Variants in CADPS2 observed in about 807,000 individuals in gnomAD.
The protein encoded by CADPS2 is calcium-dependent secretion activator 2.
In CADPS2, 93 loss-of-function variants were observed where a neutral mutation model predicts 172.5. That is an observed-to-expected ratio of 0.54 (90% confidence interval 0.46 to 0.64). The LOEUF (loss-of-function observed/expected upper bound fraction) is 0.64, where lower values mean the gene tolerates loss of function less well. Ranked by LOEUF, CADPS2 falls within the 30% of genes least tolerant of loss-of-function variation. The probability of loss-of-function intolerance (pLI) is 0.00; values close to 1 mark genes in which losing one functional copy is unlikely to be tolerated. For missense variants in CADPS2, 1,420 were observed against 1,565.9 expected (o/e 0.91, Z 1.57); for synonymous variants, 546 against 555.2 (o/e 0.98, Z 0.23).
intron 1 of CADPS2, among the ~76,000 whole-genome samples, chr7:122,752,114 G>A (rs1018679236): frequency 6.6e-6 from 1 of 152,098 alleles, no homozygotes; most frequent in African/African-American, 2.4e-5. Context: ...GATAATCTAG[G>A]ATGTGAATAA....
At chr7:122,538,460 G>T (rs1338027293) in intron 8 of CADPS2, among the ~76,000 whole-genome samples, 1 of 148,096 alleles carries the variant, frequency 6.8e-6, no homozygotes, top group Non-Finnish European at 1.5e-5. Flanking sequence ...TAAATTGAAG[G>T]GTATTATTTA....
At chr7:122,476,635 A>T (rs990592758) in intron 12 of CADPS2, among the ~76,000 whole-genome samples, 10 of 152,290 alleles carry the variant, frequency 6.6e-5, no homozygotes, top group African/African-American at 2.4e-4. Context: ...GATATTAATG[A>T]TAGCACTTTG....
intron 1 of CADPS2, among the ~76,000 whole-genome samples, chr7:122,741,034 G>A (rs2092447495): frequency 6.6e-6 from 1 of 152,114 alleles, no homozygotes; most frequent in Non-Finnish European, 1.5e-5. Context: ...GACATGTGTA[G>A]AAGGTTATTT....
intron 7 of CADPS2, among the ~76,000 whole-genome samples, chr7:122,579,464 T>TATAC (rs1554638977): frequency 2.9e-4 from 42 of 146,542 alleles, no homozygotes; most frequent in Admixed American, 2.7e-3. Context: ...TATATATATA[T>TATAC]ATATATATAT....
intron 4 of CADPS2, among the ~76,000 whole-genome samples, chr7:122,625,119 C>T (rs1223350982): frequency 6.6e-6 from 1 of 151,804 alleles, no homozygotes; most frequent in Non-Finnish European, 1.5e-5. Flanking sequence ...GGCACAATCT[C>T]GGCTCACCAC....
intron 15 of CADPS2, among the ~76,000 whole-genome samples, chr7:122,447,543 ATTTTTTTTT>A (rs1159112244): frequency 0.025 from 2,222 of 89,818 alleles, 167 homozygotes; most frequent in African/African-American, 0.075. Flanking sequence ...GTTTCGGGGA[ATTTTTTTTT>A]TTTTTTTTTT....
At chr7:122,565,308 G>A (rs1033874709) in intron 7 of CADPS2, among the ~76,000 whole-genome samples, 1 of 151,808 alleles carries the variant, frequency 6.6e-6, no homozygotes, top group South Asian at 2.1e-4. Context: ...AATGGGAAAG[G>A]AAGATGGACA....
chr7:122,593,109 A>T (rs2071157971), intron 6 of CADPS2, among the ~76,000 whole-genome samples: 2 of 151,996 alleles, frequency 1.3e-5, no homozygotes, highest in African/African-American at 2.4e-5. Flanking sequence ...CAATGAATAG[A>T]ATGGCTTTCT....
chr7:122,779,352 T>C (rs1483478867), intron 1 of CADPS2, among the ~76,000 whole-genome samples: 1 of 152,114 alleles, frequency 6.6e-6, no homozygotes, highest in Non-Finnish European at 1.5e-5. Flanking sequence ...TTGGATCAGG[T>C]GCAAAGAGTG....
intron 8 of CADPS2, among the ~76,000 whole-genome samples, chr7:122,540,510 G>A (rs1170306732): frequency 2.0e-5 from 3 of 151,952 alleles, no homozygotes; most frequent in East Asian, 1.9e-4. Context: ...TTTATATCTC[G>A]GCTCTTACAA....
At chr7:122,599,365 A>C (rs1308111212) in intron 6 of CADPS2, among the ~76,000 whole-genome samples, 2 of 152,074 alleles carry the variant, frequency 1.3e-5, no homozygotes, top group African/African-American at 4.8e-5. Flanking sequence ...AGGGGCAGGC[A>C]AGGATGATGT....
intron 1 of CADPS2, among the ~76,000 whole-genome samples, chr7:122,806,497 T>C (rs1798825805): frequency 6.6e-6 from 1 of 152,236 alleles, no homozygotes; most frequent in African/African-American, 2.4e-5. Flanking sequence ...ACAACACCAA[T>C]GCTGCTTTAA....
intron 8 of CADPS2, among the ~76,000 whole-genome samples, chr7:122,538,360 TTTG>T (rs1326759022): frequency 6.7e-6 from 1 of 148,558 alleles, no homozygotes; most frequent in African/African-American, 2.5e-5. Context: ...AATTAGGTTT[TTTG>T]TTTTTTTTTT....
chr7:122,401,812 A>T (rs1408784611), intron 20 of CADPS2, among the ~76,000 whole-genome samples: 1 of 152,122 alleles, frequency 6.6e-6, no homozygotes, highest in East Asian at 1.9e-4. Flanking sequence ...CTTTGTTTTC[A>T]TCATCAGTTT....
chr7:122,860,540 AT>A (rs202023339), intron 1 of CADPS2, among the ~76,000 whole-genome samples: 1 of 151,888 alleles, frequency 6.6e-6, no homozygotes, highest in Non-Finnish European at 1.5e-5. Context: ...GCCATAATAT[AT>A]TTTTTTTAAA....
In CADPS2 at chr7:122,863,224, C is replaced by T. The variant is rs147027715; in HGVS notation, c.339+22775G>A. Among the ~76,000 whole-genome samples, 180 of 152,254 alleles carry T rather than the reference C, an allele frequency of 1.2e-3. 1 individual carries two copies. Among genetic ancestry groups the T allele is most frequent in the African/African-American group, 4.0e-3 (166 of 41,548 alleles). On this transcript the variant is annotated intron_variant, in intron 1 of 29. Coordinates refer to ENST00000449022, the MANE Select transcript of CADPS2 (RefSeq NM_017954.11). ...GTCTTCCCTCAATTTACCTGGGTGTCTTCTACATATCTGCGAAAACTTGCT... is the reference window on the plus strand; with the variant it reads ...GTCTTCCCTCAATTTACCTGGGTGTTTTCTACATATCTGCGAAAACTTGCT...
chr7:122,706,486 G>T (rs1445945526), intron 2 of CADPS2, among the ~76,000 whole-genome samples: 2 of 144,724 alleles, frequency 1.4e-5, no homozygotes, highest in Admixed American at 7.2e-5. Context: ...TATTCCTTTT[G>T]TAGGCAGGCT....
intron 28 of CADPS2, chr7:122,338,817 AGT>A (rs920206360): frequency 6.6e-6 from 1 of 152,154 alleles, no homozygotes; most frequent in Non-Finnish European, 1.5e-5. Flanking sequence ...GCTGTAGTAC[AGT>A]GTGTGGTCAT....
At chr7:122,825,537 G>A (rs993603724) in intron 1 of CADPS2, among the ~76,000 whole-genome samples, 2 of 152,116 alleles carry the variant, frequency 1.3e-5, no homozygotes, top group Admixed American at 6.5e-5. Context: ...ACCAAAAGTG[G>A]TTAATATGAT....
Sources: allele counts gnomAD v4.1 joint callset (sites outside exome capture counted in the v4.1 genomes callset), GRCh38; gene constraint gnomAD v4.1.1; transcripts MANE v1.5; gene names NCBI Gene and HGNC (gene_info 2026-07-23, HGNC 2026-07-21).